CAMK2A: variants seen among roughly 807,000 people sequenced by gnomAD.
The protein encoded by CAMK2A is calcium/calmodulin dependent protein kinase II alpha, also known as calcium/calmodulin-dependent protein kinase type II subunit alpha.
In CAMK2A, 7 loss-of-function variants were observed where a neutral mutation model predicts 79.2. The observed-to-expected ratio is 0.09, with a 90% CI of 0.05 to 0.17. CAMK2A has a LOEUF of 0.17. Ranked by LOEUF, CAMK2A falls within the 10% of genes least tolerant of loss-of-function variation. The pLI, the probability that CAMK2A is intolerant of heterozygous loss-of-function variation, is 1.00. For synonymous variants in CAMK2A, 242 were observed against 251.7 expected, an observed-to-expected ratio of 0.96 and a Z score of 0.36; for missense variants, 214 against 646.4, an observed-to-expected ratio of 0.33 and a Z score of 7.25.
At chr5:150,248,419 T>C (rs1181956709) in intron 11 of CAMK2A, among the ~76,000 whole-genome samples, 2 of 151,560 alleles carry the variant, frequency 1.3e-5, no homozygotes, top group South Asian at 2.1e-4. Context: ...ATGTGCCACG[T>C]TGGTGTGCTG....
In CAMK2A at chr5:150,222,392, A is replaced by T. The variant is rs1463113979; in HGVS notation, c.*318T>A. ...CACCAGCCCGGGCATTCTAGCCTACAGCCCAAGACAGATCAGGCGGACAGC... is the reference window on the plus strand; with the variant it reads ...CACCAGCCCGGGCATTCTAGCCTACTGCCCAAGACAGATCAGGCGGACAGC... On this transcript the variant is annotated 3_prime_UTR_variant, in exon 19 of 19. Transcript: ENST00000671881. The T allele has an allele frequency of 1.6e-6, 1 of 640,778 alleles. No homozygotes were observed. Among genetic ancestry groups the T allele is most frequent in the Non-Finnish European group, 2.8e-6 (1 of 351,918 alleles). The allele number at this position is 640,778 out of a possible 1,614,324, so 39.7% of individuals were successfully genotyped here.
intron 16 of CAMK2A, among the ~76,000 whole-genome samples, chr5:150,230,081 AG>A (rs1179242104): frequency 1.3e-5 from 2 of 151,986 alleles, no homozygotes; most frequent in African/African-American, 2.4e-5. Flanking sequence ...GCACTTTGGG[AG>A]GCTGAGGTGG....
chr5:150,231,404 A>AAATAAT lies in CAMK2A; in HGVS notation c.1067-30_1067-25dup, dbSNP rs35699794. On this transcript the variant is annotated intron_variant, in intron 15 of 18. Transcript: ENST00000671881. ...CACTGTAAGGCAGAAGGGGACACAG[A>AAATAAT]AATAATAATAATAATAATAATAATA... 866 of 493,278 alleles carry AAATAAT rather than the reference A, an allele frequency of 1.8e-3. 3 individuals carry two copies. The highest frequency in any genetic ancestry group is 5.9e-3 in the East Asian group (154 of 26,064). The allele number at this position is 493,278 out of a possible 1,614,324, so 30.6% of individuals were successfully genotyped here.
chr5:150,281,105 GC>G (rs1757196910), intron 1 of CAMK2A, among the ~76,000 whole-genome samples: 1 of 152,114 alleles, frequency 6.6e-6, no homozygotes, highest in Non-Finnish European at 1.5e-5. Flanking sequence ...AGGAACTCTA[GC>G]CCCGTATTTT....
At chr5:150,246,924 C>T (rs892292590) in intron 12 of CAMK2A, among the ~76,000 whole-genome samples, 3 of 152,304 alleles carry the variant, frequency 2.0e-5, no homozygotes, top group East Asian at 3.9e-4. Context: ...GAGGGCCCCT[C>T]GGGTGAGCTT....
chr5:150,235,839 C>T (rs1755032799), intron 15 of CAMK2A, among the ~76,000 whole-genome samples: 1 of 152,138 alleles, frequency 6.6e-6, no homozygotes, highest in South Asian at 2.1e-4. Flanking sequence ...CACCAGAAAA[C>T]GGTTCCCTGG....
intron 1 of CAMK2A, among the ~76,000 whole-genome samples, chr5:150,281,398 C>A (rs1324131837): frequency 6.6e-6 from 1 of 152,222 alleles, no homozygotes; most frequent in African/African-American, 2.4e-5. Context: ...GGTTAGAATG[C>A]CTGGGGGAAG....
At chr5:150,288,972 C>T (rs1013147281) in intron 1 of CAMK2A, among the ~76,000 whole-genome samples, 2 of 152,200 alleles carry the variant, frequency 1.3e-5, no homozygotes, top group African/African-American at 4.8e-5. Flanking sequence ...TCCCAACACC[C>T]GGGAAGCCTG....
Position 150,222,729 on chromosome 5 carries a change from G to A in CAMK2A, c.1467-16C>T, listed in dbSNP as rs773710265. 51 of 1,613,934 alleles carry A rather than the reference G, an allele frequency of 3.2e-5. No homozygotes were observed. The highest frequency in any genetic ancestry group is 4.1e-5 in the Non-Finnish European group (48 of 1,179,910). On this transcript the variant is annotated splice_polypyrimidine_tract_variant and intron_variant, in intron 18 of 18. Transcript: ENST00000671881. ...GGTCCCTCAGCTGTAAGACACACAC[G>A]GGGTGCTTCTCAGGGCATGGTGTTT...
chr5:150,242,118 C>G (rs904654753), intron 13 of CAMK2A, among the ~76,000 whole-genome samples: 2 of 152,324 alleles, frequency 1.3e-5, no homozygotes, highest in Admixed American at 1.3e-4. Context: ...GCAGTCGGCC[C>G]TCCTCCTAGA....
intron 11 of CAMK2A, among the ~76,000 whole-genome samples, chr5:150,248,458 T>A (rs1319675509): frequency 6.6e-6 from 1 of 150,548 alleles, no homozygotes; most frequent in African/African-American, 2.4e-5. Flanking sequence ...TTACATTAGG[T>A]ATATCTCCTA....
At chr5:150,240,922 T>C (rs1755308191) in intron 13 of CAMK2A, among the ~76,000 whole-genome samples, 1 of 152,196 alleles carries the variant, frequency 6.6e-6, no homozygotes, top group Non-Finnish European at 1.5e-5. Flanking sequence ...AGGGCAGGCC[T>C]TTGCCATGGG....
chr5:150,270,022 C>T (rs1756675317), intron 2 of CAMK2A, among the ~76,000 whole-genome samples: 1 of 152,200 alleles, frequency 6.6e-6, no homozygotes, highest in Admixed American at 6.5e-5. Flanking sequence ...TCACAGTGCC[C>T]AGGCCAGTCA....
chr5:150,234,315 G>C (rs545852313), intron 15 of CAMK2A, among the ~76,000 whole-genome samples: 115 of 152,312 alleles, frequency 7.6e-4, no homozygotes, highest in African/African-American at 2.6e-3. Context: ...AGAGAGTCTA[G>C]CACAGTGGCT....
chr5:150,265,092 G>C lies in CAMK2A; in HGVS notation c.158-77C>G, dbSNP rs560886181. The C allele has an allele frequency of 2.4e-5, 27 of 1,119,388 alleles. No homozygotes were observed. In the South Asian group the frequency reaches 3.4e-4, roughly 14 times the overall value. 69.3% of individuals were successfully genotyped at this position (1,119,388 alleles called of 1,614,324 possible). ...TCCATCTCCCCCTTCTCAAAGCCTC[G>C]TATTATCTCCACCTCCCAGGGCAGC... On this transcript the variant is annotated intron_variant, in intron 2 of 18. Coordinates refer to ENST00000671881, the MANE Select transcript of CAMK2A (RefSeq NM_015981.4).
intron 13 of CAMK2A, among the ~76,000 whole-genome samples, chr5:150,243,635 AG>A (rs1358367004): frequency 2.0e-5 from 3 of 152,212 alleles, no homozygotes; most frequent in African/African-American, 7.2e-5. Context: ...TTTACCCAAA[AG>A]TCTAATACAT....
At chr5:150,288,828 C>A (rs912441014) in intron 1 of CAMK2A, among the ~76,000 whole-genome samples, 5 of 152,180 alleles carry the variant, frequency 3.3e-5, no homozygotes, top group Non-Finnish European at 7.3e-5. Flanking sequence ...CTTCTCTACA[C>A]AGCAGTCATC....
chr5:150,260,325 G>A (rs1414120524), intron 3 of CAMK2A, among the ~76,000 whole-genome samples: 1 of 152,042 alleles, frequency 6.6e-6, no homozygotes, highest in African/African-American at 2.4e-5. Context: ...CAGGCGTGGT[G>A]GTGGGCACCT....
intron 2 of CAMK2A, among the ~76,000 whole-genome samples, chr5:150,266,412 T>G (rs1756515812): frequency 6.6e-6 from 1 of 152,170 alleles, no homozygotes; most frequent in African/African-American, 2.4e-5. Context: ...TTTTGGTGCT[T>G]TTTTCACAAT....
Sources: allele counts gnomAD v4.1 joint callset (sites outside exome capture counted in the v4.1 genomes callset), GRCh38; gene constraint gnomAD v4.1.1; transcripts MANE v1.5; gene names NCBI Gene and HGNC (gene_info 2026-07-23, HGNC 2026-07-21).